KIF13A: variants seen among roughly 807,000 people sequenced by gnomAD.
KIF13A encodes the protein kinesin-like protein KIF13A.
KIF13A carries 79 observed loss-of-function variants against 212.2 expected under a neutral mutation model. That is an observed-to-expected ratio of 0.37 (90% CI 0.31 to 0.45). The LOEUF (loss-of-function observed/expected upper bound fraction) is 0.45. KIF13A is among the 20% of genes least tolerant of loss of function. The pLI is 1.00. For synonymous variants in KIF13A, 789 were observed against 808.6 expected, an observed-to-expected ratio of 0.98 and a Z score of 0.41; for missense variants, 1,901 against 2,209.0, an observed-to-expected ratio of 0.86 and a Z score of 2.79.
intron 11 of KIF13A, among the ~76,000 whole-genome samples, chr6:17,836,371 C>A (rs1164269087): frequency 3.3e-5 from 5 of 152,130 alleles, no homozygotes; most frequent in African/African-American, 4.8e-5. Context: ...AGTTCAAAGG[C>A]CAACTGATTT....
At chr6:17,762,928 C>T (rs568450391), downstream of KIF13A, among the ~76,000 whole-genome samples, 23 of 152,256 alleles carry the variant, frequency 1.5e-4, no homozygotes, top group African/African-American at 5.5e-4. Flanking sequence ...GTAACTTGCT[C>T]GCAAAACAAA....
In KIF13A at chr6:17,886,325, C is replaced by T. The variant is rs1419779447; in HGVS notation, c.159+11843G>A. On this transcript the variant is annotated intron_variant, in intron 3 of 38. Transcript: ENST00000259711. The surrounding 1 kb of genome is among the most constrained non-coding windows in gnomAD (Gnocchi z 5.6). ...CACAGAGAGGAGAATGCTAGGCTGA[C>T]TCCATGGCCCCAGGTCACCAAAGCT... Among the ~76,000 whole-genome samples, 2 of 152,150 alleles carry T rather than the reference C, an allele frequency of 1.3e-5. No individual in the cohort carries two copies.
At chr6:17,852,498 T>C (rs986199590) in intron 6 of KIF13A, among the ~76,000 whole-genome samples, 2 of 152,192 alleles carry the variant, frequency 1.3e-5, no homozygotes, top group East Asian at 1.9e-4. Context: ...CGGCTTACTA[T>C]AGCCTCAACC....
chr6:17,952,450 T>C (rs1777943795), intron 2 of KIF13A, among the ~76,000 whole-genome samples: 1 of 149,194 alleles, frequency 6.7e-6, no homozygotes, highest in South Asian at 2.1e-4. Flanking sequence ...CTGGGCAACA[T>C]GGCAAGATTC....
At chr6:17,965,704 G>A (rs1279222213) in intron 2 of KIF13A, among the ~76,000 whole-genome samples, 1 of 152,184 alleles carries the variant, frequency 6.6e-6, no homozygotes, top group African/African-American at 2.4e-5. Flanking sequence ...TATTAACAGG[G>A]TTGATCTTGA....
intron 19 of KIF13A, 47 bp from the exon 20 acceptor site, chr6:17,804,557 A>T (rs1762767651): frequency 3.5e-6 from 5 of 1,438,892 alleles, no homozygotes; most frequent in Non-Finnish European, 4.7e-6. Context: ...GAAACATAAC[A>T]TCAATTTAAA....
chr6:17,766,550 T>C (rs1288985501), intron 38 of KIF13A, among the ~76,000 whole-genome samples: 1 of 152,036 alleles, frequency 6.6e-6, no homozygotes, highest in African/African-American at 2.4e-5. Context: ...GATTTATTTA[T>C]TTTTATTTAT....
chr6:17,836,684 C>T (rs963927263), intron 11 of KIF13A, among the ~76,000 whole-genome samples, 194 bp downstream of exon 11: 4 of 152,128 alleles, frequency 2.6e-5, no homozygotes, highest in African/African-American at 4.8e-5. Context: ...GGGGGAAGTT[C>T]GCCCCCATGA....
chr6:17,852,511 C>G (rs1375331085), intron 6 of KIF13A, among the ~76,000 whole-genome samples: 1 of 152,152 alleles, frequency 6.6e-6, no homozygotes, highest in African/African-American at 2.4e-5. Context: ...CCTCAACCTC[C>G]CGCCCAGGTG....
At chr6:17,875,000 C>T (rs11969563) in intron 3 of KIF13A, among the ~76,000 whole-genome samples, 1 of 11,928 alleles carries the variant, frequency 8.4e-5, no homozygotes, top group African/African-American at 7.4e-4. Context: ...CACGCACACG[C>T]ACGCACACAC....
At chr6:17,802,314 G>A (rs1164309663) in intron 20 of KIF13A, among the ~76,000 whole-genome samples, 4 of 149,128 alleles carry the variant, frequency 2.7e-5, no homozygotes, top group Admixed American at 2.0e-4. Context: ...TTTTTGAGAC[G>A]GAGTTTCGCT....
Position 17,799,495 on chromosome 6 carries a change from T to A in KIF13A, c.2617-56A>T, listed in dbSNP as rs1762307666. The A allele has an allele frequency of 2.2e-6, 3 of 1,349,504 alleles. No homozygotes were observed. Among genetic ancestry groups the A allele is most frequent in the Non-Finnish European group, 3.0e-6 (3 of 1,007,532 alleles). The allele number at this position is 1,349,504 out of a possible 1,614,324, so 83.6% of individuals were successfully genotyped here. On this transcript the variant is annotated intron_variant, in intron 21 of 38. Coordinates refer to ENST00000259711, the MANE Select transcript of KIF13A (RefSeq NM_022113.6). The surrounding 1 kb of genome is among the most constrained non-coding windows in gnomAD (Gnocchi z 4.4). ...CAATGAACACTAAACATTCTTTCAT[T>A]TCAGCTACCTCAAATTTAAGAGTAA... is the stretch of plus-strand genomic sequence containing the variant.
chr6:17,781,316 A>C lies in KIF13A; in HGVS notation c.3545-15T>G. Reference sequence around the variant, plus strand: ...GAGGTCATCCGCTAACCACATCAGGAGCACAGAAAAAACAGTAGGGGAAAG... The same window carrying C: ...GAGGTCATCCGCTAACCACATCAGGCGCACAGAAAAAACAGTAGGGGAAAG... On this transcript the variant is annotated splice_polypyrimidine_tract_variant and intron_variant, in intron 29 of 38. Transcript: ENST00000259711. The C allele has an allele frequency of 6.4e-7, 1 of 1,556,926 alleles. No individual in the cohort carries two copies. The highest frequency in any genetic ancestry group is 1.4e-5 in the African/African-American group (1 of 72,406).
chr6:17,937,586 G>C (rs867064668), intron 2 of KIF13A, among the ~76,000 whole-genome samples: 32 of 152,162 alleles, frequency 2.1e-4, no homozygotes, highest in African/African-American at 7.5e-4. Context: ...TGATTTATTT[G>C]AGGTCTTTGC....
At chr6:17,862,949 A>AAAACAAAC (rs373182867) in intron 4 of KIF13A, among the ~76,000 whole-genome samples, 3 of 152,146 alleles carry the variant, frequency 2.0e-5, no homozygotes, top group African/African-American at 7.2e-5. Flanking sequence ...CTGCGTCTCA[A>AAAACAAAC]AAACAAACAA....
rs565787637 is a variant in KIF13A at position 17,883,103 on chromosome 6, T to C, written c.160-9666A>G. Among the ~76,000 whole-genome samples the C allele has an allele frequency of 2.0e-5, 3 of 152,346 alleles. No individual in the cohort carries two copies. The highest frequency in any genetic ancestry group is 6.5e-5 in the Admixed American group (1 of 15,298). ...TGCTGGGTATGGTGGCTCATGCCTATAATCCCAGTGTTTTGAGAGGCTGAG... is the reference window on the plus strand; with the variant it reads ...TGCTGGGTATGGTGGCTCATGCCTACAATCCCAGTGTTTTGAGAGGCTGAG... On this transcript the variant is annotated intron_variant, in intron 3 of 38. Transcript: ENST00000259711. This position sits in a 1 kb window ranked among gnomAD's most constrained non-coding sequence, Gnocchi z 4.8.
chr6:17,916,255 G>A (rs1267464438), intron 2 of KIF13A, among the ~76,000 whole-genome samples: 1 of 152,142 alleles, frequency 6.6e-6, no homozygotes, highest in African/African-American at 2.4e-5. Context: ...AAACCTAAAA[G>A]CAGTCAAGGG....
Position 17,855,868 on chromosome 6 carries a change from C to T in KIF13A, c.313+162G>A, listed in dbSNP as rs563436833. 6.6e-5 allele frequency among the ~76,000 whole-genome samples: 10 copies of T among 152,144 alleles called. No individual in the cohort carries two copies. The highest frequency in any genetic ancestry group is 4.1e-4 in the South Asian group (2 of 4,822). ...AGCTGGGACTACAGGTGTGCCACCA[C>T]GCTGGGCTAATGTTTTTAGTTTTTA... On this transcript the variant is annotated intron_variant, in intron 5 of 38. Coordinates refer to ENST00000259711, the MANE Select transcript of KIF13A (RefSeq NM_022113.6). The surrounding 1 kb of genome is among the most constrained non-coding windows in gnomAD (Gnocchi z 4.1).
At position 17,895,082 on chromosome 6, in the gene KIF13A, GT is replaced by G. The variant is rs965305538; in HGVS notation, c.159+3085del. On this transcript the variant is annotated intron_variant, in intron 3 of 38. Coordinates refer to ENST00000259711, the MANE Select transcript of KIF13A (RefSeq NM_022113.6). This position sits in a 1 kb window ranked among gnomAD's most constrained non-coding sequence, Gnocchi z 4.4. ...ACTAAATTCTTAATTTCGGTTTTGG[GT>G]TTTTCAGATTGAGGATTTATTTCTA... Among the ~76,000 whole-genome samples the G allele has an allele frequency of 6.6e-6, 1 of 152,098 alleles. No individual in the cohort carries two copies. Among genetic ancestry groups the G allele is most frequent in the Non-Finnish European group, 1.5e-5 (1 of 68,028 alleles).
Sources: gnomAD v4.1 joint callset for allele counts (sites outside exome capture counted in the v4.1 genomes callset) on GRCh38, gnomAD v4.1.1 for gene constraint, Gnocchi (gnomAD v3.1) non-coding constraint, MANE v1.5 for transcripts, NCBI Gene and HGNC (gene_info 2026-07-23, HGNC 2026-07-21) for gene names.